SEC31A: variants seen among roughly 807,000 people sequenced by gnomAD.
The protein encoded by SEC31A is protein transport protein Sec31A.
In SEC31A, 70 loss-of-function variants were observed where a neutral mutation model predicts 151.0. The observed-to-expected ratio is 0.46, with a 90% CI of 0.38 to 0.57. SEC31A has a LOEUF of 0.57. Ranked by LOEUF, SEC31A falls within the 20% of genes least tolerant of loss-of-function variation. The pLI is 0.00. For synonymous variants in SEC31A, 475 were observed against 505.9 expected, an observed-to-expected ratio of 0.94 and a Z score of 0.82; for missense variants, 1,330 against 1,471.2, an observed-to-expected ratio of 0.90 and a Z score of 1.57.
At chr4:82,881,742 G>C (rs1366472317) in intron 2 of SEC31A, 116 bp downstream of exon 2, 6 of 759,704 alleles carry the variant, frequency 7.9e-6, no homozygotes, top group African/African-American at 3.4e-5. Flanking sequence ...TAGAATGTCA[G>C]TAACTTGCCA....
At chr4:82,886,764 G>A (rs1271178690) in intron 1 of SEC31A, among the ~76,000 whole-genome samples, 1 of 152,074 alleles carries the variant, frequency 6.6e-6, no homozygotes, top group African/African-American at 2.4e-5. Context: ...TATGATTTAA[G>A]CATTTTATAA....
intron 1 of SEC31A, among the ~76,000 whole-genome samples, chr4:82,889,978 A>G (rs1016324416): frequency 6.6e-6 from 1 of 152,120 alleles, no homozygotes; most frequent in Admixed American, 6.6e-5. Flanking sequence ...CTGTAACCCC[A>G]GCACTTCGGG....
intron 17 of SEC31A, 90 bp downstream of exon 17, chr4:82,854,813 A>C: frequency 7.7e-7 from 1 of 1,297,514 alleles, no homozygotes; most frequent in Non-Finnish European, 1.0e-6. Context: ...AGATTTTAAA[A>C]AGTTTCTAAT....
At chr4:82,888,654 A>T (rs965642387) in intron 1 of SEC31A, among the ~76,000 whole-genome samples, 1 of 151,394 alleles carries the variant, frequency 6.6e-6, no homozygotes, top group Non-Finnish European at 1.5e-5. Flanking sequence ...GCGCCAATGT[A>T]CTCCAGCCTG....
At position 82,874,665 on chromosome 4, in the gene SEC31A, T is replaced by C; in HGVS notation, c.585A>G (p.Val195=). ...ASASPSGRAT[V]WDLRKNEPII... ...TTGGCTCATTTTTTCTAAGATCCCA[T>C]ACAGTGGCCCGGCCACTGGGACTGG... Residue 195 remains valine (V), a synonymous_variant, in exon 6 of 27, where the codon GTA becomes GTG. Transcript: ENST00000395310. 1 of 1,613,332 alleles carries C rather than the reference T, an allele frequency of 6.2e-7. No individual in the cohort carries two copies. Among genetic ancestry groups the C allele is most frequent in the East Asian group, 2.2e-5 (1 of 44,854 alleles).
At chr4:82,885,441 G>A (rs1560671825) in intron 1 of SEC31A, among the ~76,000 whole-genome samples, 4 of 151,936 alleles carry the variant, frequency 2.6e-5, no homozygotes, top group Non-Finnish European at 4.4e-5. Context: ...CTTTTTAACT[G>A]TAATTTTAAA....
chr4:82,880,884 T>G lies in SEC31A; in HGVS notation c.118A>C (p.Asn40His), dbSNP rs145250701. 13 of 1,611,472 alleles carry G rather than the reference T, an allele frequency of 8.1e-6. No individual in the cohort carries two copies. In the African/African-American group the frequency reaches 1.6e-4, roughly 20 times the overall value. ...AQQLDATFST[N>H]ASLEIFELDL... ...AATTCAAATATCTCAAGGGAAGCAT[T>G]CGTACTAAATGTTGCATCCAATTGC... Residue 40 changes from asparagine to histidine, a missense_variant, in exon 3 of 27, where the codon AAT (asparagine) becomes CAT (histidine). By Grantham distance (68) the Asn-to-His change is moderately conservative. Coordinates refer to ENST00000395310, the MANE Select transcript of SEC31A (RefSeq NM_001077207.4).
At chr4:82,820,886 G>C in intron 26 of SEC31A, 151 bp downstream of exon 26, 1 of 685,802 alleles carries the variant, frequency 1.5e-6, no homozygotes, top group South Asian at 1.7e-5. Context: ...CCAGTGAGTG[G>C]AATTTATGAT....
chr4:82,888,708 A>T (rs896580121), intron 1 of SEC31A, among the ~76,000 whole-genome samples: 11 of 152,276 alleles, frequency 7.2e-5, no homozygotes, highest in South Asian at 2.1e-4. Context: ...TAAAAAAAAA[A>T]AAAAATTTCT....
chr4:82,832,684 C>T (rs1726221590), intron 22 of SEC31A, among the ~76,000 whole-genome samples: 1 of 152,148 alleles, frequency 6.6e-6, no homozygotes, highest in Admixed American at 6.6e-5. Context: ...CCAGAATCTA[C>T]AAAGAACTTA....
At chr4:82,840,789 A>T (rs1261189466) in intron 22 of SEC31A, among the ~76,000 whole-genome samples, 1 of 152,202 alleles carries the variant, frequency 6.6e-6, no homozygotes, top group Non-Finnish European at 1.5e-5. Flanking sequence ...TGTTCTAAAC[A>T]TAGAAAAGGT....
At chr4:82,843,126 T>A (rs1360543608) in intron 21 of SEC31A, among the ~76,000 whole-genome samples, 1 of 150,412 alleles carries the variant, frequency 6.6e-6, no homozygotes, top group Non-Finnish European at 1.5e-5. Flanking sequence ...TAGGGAGTTG[T>A]GGGTTTTTTT....
chr4:82,824,506 A>C (rs1210955131), intron 25 of SEC31A, 49 bp downstream of exon 25: 8 of 1,594,270 alleles, frequency 5.0e-6, no homozygotes, highest in Non-Finnish European at 6.8e-6. Context: ...CACCTGGCCA[A>C]GGATTCTTCT....
intron 6 of SEC31A, 140 bp downstream of exon 6, chr4:82,874,471 T>A: frequency 1.3e-6 from 1 of 755,766 alleles, no homozygotes; most frequent in Middle Eastern, 3.4e-4. Flanking sequence ...AAACAAAACA[T>A]TCCTTCTAAC....
At chr4:82,880,551 T>C (rs1216261983) in intron 3 of SEC31A, 10 of 282,940 alleles carry the variant, frequency 3.5e-5, no homozygotes, top group African/African-American at 2.1e-4. Flanking sequence ...ATCGTGCCAC[T>C]GCACTCCAGC....
chr4:82,893,990 G>A (rs890017360), upstream of SEC31A: 2 of 152,198 alleles, frequency 1.3e-5, no homozygotes, highest in African/African-American at 2.4e-5. Flanking sequence ...TGGATGCCTA[G>A]TGATTTCCCA....
chr4:82,884,431 C>T (rs1158662293), intron 1 of SEC31A, among the ~76,000 whole-genome samples: 4 of 152,086 alleles, frequency 2.6e-5, no homozygotes, highest in African/African-American at 9.7e-5. Context: ...GTTTTACGTT[C>T]CTAGAAAAGT....
intron 3 of SEC31A, 158 bp downstream of exon 3, chr4:82,880,641 C>G: frequency 1.8e-6 from 1 of 564,988 alleles, no homozygotes; most frequent in Non-Finnish European, 2.9e-6. Context: ...ACTACTTTTA[C>G]TTCCATAAAA....
intron 23 of SEC31A, 48 bp downstream of exon 23, chr4:82,828,952 G>A (rs1725287829): frequency 2.0e-6 from 3 of 1,478,930 alleles, no homozygotes; most frequent in Non-Finnish European, 1.9e-6. Flanking sequence ...TGGCTACGTG[G>A]TTAACATAAC....
Sources: gnomAD v4.1 joint callset for allele counts (sites outside exome capture counted in the v4.1 genomes callset) on GRCh38, gnomAD v4.1.1 for gene constraint, MANE v1.5 for transcripts, NCBI Gene and HGNC (gene_info 2026-07-23, HGNC 2026-07-21) for gene names.